The following IL1RAPL2 variants were observed in gnomAD, a reference collection of about 807,000 sequenced individuals.
The protein encoded by IL1RAPL2 is X-linked interleukin-1 receptor accessory protein-like 2.
IL1RAPL2 carries 3 observed loss-of-function variants against 44.1 expected under a neutral mutation model. The observed-to-expected ratio is 0.07, with a 90% CI of 0.03 to 0.18. IL1RAPL2 has a LOEUF of 0.18. IL1RAPL2 is among the 10% of genes least tolerant of loss of function. The pLI, the probability that IL1RAPL2 is intolerant of heterozygous loss-of-function variation, is 1.00. For synonymous variants in IL1RAPL2, 181 were observed against 178.8 expected (o/e 1.01, Z -0.10); for missense variants, 391 against 496.4 (o/e 0.79, Z 2.02).
chrX:105,078,601 CT>C (rs1183380859), intron 2 of IL1RAPL2, among the ~76,000 whole-genome samples: 2 of 112,581 alleles, frequency 1.8e-5, no homozygotes, highest in Admixed American at 1.9e-4. Context: ...TTATTGCTGT[CT>C]TTTGTTTGTC....
intron 2 of IL1RAPL2, among the ~76,000 whole-genome samples, chrX:104,675,988 T>A (rs2063172771): frequency 9.4e-6 from 1 of 106,640 alleles, no homozygotes; most frequent in Admixed American, 1.0e-4. Flanking sequence ...TGAGTCTATG[T>A]GTGTCTCTGC....
At chrX:104,715,101 A>G (rs184733586) in intron 2 of IL1RAPL2, among the ~76,000 whole-genome samples, 24 of 110,309 alleles carry the variant, frequency 2.2e-4, no homozygotes, top group African/African-American at 7.9e-4. Context: ...CTGTGAATCT[A>G]TCTGGTCCTG....
chrX:105,747,242 G>A (rs1175936998), intron 8 of IL1RAPL2, among the ~76,000 whole-genome samples: 3 of 108,896 alleles, frequency 2.8e-5, no homozygotes, highest in Non-Finnish European at 1.9e-5. Flanking sequence ...ACCACCTCCT[G>A]CAGCAGGCAT....
chrX:105,266,865 G>A (rs764750558), intron 4 of IL1RAPL2, among the ~76,000 whole-genome samples: 2 of 111,619 alleles, frequency 1.8e-5, no homozygotes, highest in South Asian at 7.6e-4. Flanking sequence ...TGGAGTACTA[G>A]TATTAGTTTT....
chrX:104,783,746 A>C (rs1193474356), intron 2 of IL1RAPL2, among the ~76,000 whole-genome samples: 1 of 107,806 alleles, frequency 9.3e-6, no homozygotes, highest in Admixed American at 1.0e-4. Context: ...TGTCAGGTAC[A>C]CTGCTCCCAA....
chrX:105,653,289 A>ATCAAAATAAATG (rs2037654179), intron 6 of IL1RAPL2, among the ~76,000 whole-genome samples: 3 of 111,638 alleles, frequency 2.7e-5, no homozygotes, highest in Non-Finnish European at 5.7e-5. Flanking sequence ...AGAATGTGAC[A>ATCAAAATAAATG]CATCAAAATA....
At chrX:105,515,481 CT>C (rs1273026281) in intron 6 of IL1RAPL2, among the ~76,000 whole-genome samples, 3 of 109,420 alleles carry the variant, frequency 2.7e-5, no homozygotes, top group Non-Finnish European at 5.7e-5. Context: ...AAGTTTTGTA[CT>C]TTTTTTTTCT....
intron 2 of IL1RAPL2, among the ~76,000 whole-genome samples, chrX:104,960,861 C>T (rs1007547011): frequency 2.7e-5 from 3 of 111,616 alleles, no homozygotes; most frequent in East Asian, 5.6e-4. Context: ...AACACCAAAT[C>T]GTAGACTAGG....
chrX:105,474,706 T>G (rs2036186729), intron 5 of IL1RAPL2, among the ~76,000 whole-genome samples: 1 of 112,149 alleles, frequency 8.9e-6, no homozygotes, highest in Non-Finnish European at 1.9e-5. Flanking sequence ...CTGTGGAATT[T>G]TGTGGATACA....
intron 1 of IL1RAPL2, among the ~76,000 whole-genome samples, chrX:104,622,452 C>T (rs1024836653): frequency 4.5e-5 from 5 of 110,610 alleles, no homozygotes. Context: ...TGTCTCTTCT[C>T]TAAGCTAAAA....
chrX:105,284,101 A>T (rs761927993), intron 5 of IL1RAPL2, among the ~76,000 whole-genome samples: 1 of 111,846 alleles, frequency 8.9e-6, no homozygotes, highest in African/African-American at 3.2e-5. Context: ...TATTTATGAT[A>T]TGTGCTGGGT....
intron 2 of IL1RAPL2, among the ~76,000 whole-genome samples, chrX:105,178,716 G>A (rs1297027010): frequency 9.0e-6 from 1 of 111,334 alleles, no homozygotes; most frequent in Non-Finnish European, 1.9e-5. Flanking sequence ...ATCTCACTGT[G>A]GTTTTGATTT....
chrX:105,014,805 T>C (rs188489761), intron 2 of IL1RAPL2, among the ~76,000 whole-genome samples: 265 of 112,349 alleles, frequency 2.4e-3, no homozygotes, highest in African/African-American at 7.2e-3. Context: ...AGTAGAATGA[T>C]TTATAATACC....
At chrX:104,729,830 C>T (rs1208612112) in intron 2 of IL1RAPL2, among the ~76,000 whole-genome samples, 1 of 110,914 alleles carries the variant, frequency 9.0e-6, no homozygotes, top group Non-Finnish European at 1.9e-5. Flanking sequence ...CTGCAAAGGA[C>T]ATGGTCTCGT....
At chrX:104,727,929 T>C (rs1931829821) in intron 2 of IL1RAPL2, among the ~76,000 whole-genome samples, 1 of 109,905 alleles carries the variant, frequency 9.1e-6, no homozygotes, top group African/African-American at 3.3e-5. Flanking sequence ...GCATAGCAAG[T>C]GGAATAATAG....
intron 5 of IL1RAPL2, among the ~76,000 whole-genome samples, chrX:105,428,238 T>C (rs2035824473): frequency 8.9e-6 from 1 of 111,857 alleles, no homozygotes; most frequent in African/African-American, 3.2e-5. Flanking sequence ...ATAAAATTTG[T>C]GTGAGTTGTA....
chrX:105,193,795 C>T (rs1556138776), intron 2 of IL1RAPL2, among the ~76,000 whole-genome samples: 1 of 111,892 alleles, frequency 8.9e-6, no homozygotes, highest in African/African-American at 3.3e-5. Context: ...AATCTCATAC[C>T]TCTGAATCCT....
At chrX:104,762,661 C>T (rs1932483015) in intron 2 of IL1RAPL2, among the ~76,000 whole-genome samples, 1 of 113,094 alleles carries the variant, frequency 8.8e-6, no homozygotes. Context: ...AAGAAAACTT[C>T]TGTCTGGCCA....
intron 5 of IL1RAPL2, among the ~76,000 whole-genome samples, chrX:105,320,570 G>A (rs1003155587): frequency 9.1e-6 from 1 of 109,988 alleles, no homozygotes; most frequent in Non-Finnish European, 1.9e-5. Flanking sequence ...ATATGTGTAC[G>A]TGTATATGTG....
Sources: gnomAD v4.1 joint callset for allele counts (sites outside exome capture counted in the v4.1 genomes callset) on GRCh38, gnomAD v4.1.1 for gene constraint, MANE v1.5 for transcripts, NCBI Gene and HGNC (gene_info 2026-07-23, HGNC 2026-07-21) for gene names.